The following TNRC6A variants were observed in gnomAD, a reference collection of about 807,000 sequenced individuals.
TNRC6A encodes the protein trinucleotide repeat-containing gene 6A protein.
A neutral mutation model predicts 221.2 loss-of-function variants in TNRC6A; 44 were observed. The observed-to-expected ratio is 0.20, with a 90% CI of 0.16 to 0.26. The LOEUF is 0.26. Ranked by LOEUF, TNRC6A falls within the 10% of genes least tolerant of loss-of-function variation. The pLI, the probability that TNRC6A is intolerant of heterozygous loss-of-function variation, is 1.00. For synonymous variants in TNRC6A, 847 were observed against 838.5 expected (o/e 1.01, Z -0.18); for missense variants, 2,199 against 2,404.4 (o/e 0.91, Z 1.79).
chr16:24,805,412 C>A, intron 14 of TNRC6A, 193 bp from the exon 15 acceptor site: 1 of 895,834 alleles, frequency 1.1e-6, no homozygotes, highest in Non-Finnish European at 1.7e-6. Context: ...TTAAGATGCA[C>A]CTCTGTCATC....
chr16:24,823,520 C>G lies in TNRC6A; in HGVS notation c.5602C>G (p.Pro1868Ala). ...RFFAQSQSLT[P>A]SPGWQSLGSS... ...CTTTGCACAAAGCCAGTCTCTGACC[C>G]CTTCTCCCGGCTGGCAGTCTCTCGG... The change falls in exon 25 of 25, where the codon CCT becomes GCT. Residue 1868 changes from proline to alanine, a missense_variant. By Grantham distance (27) the Pro-to-Ala change is conservative. This residue lies in a region of TNRC6A where 20 missense variants were observed against 25.6 expected (regional missense o/e 0.78). Transcript: ENST00000395799. This position sits in a 1 kb window ranked among gnomAD's most constrained non-coding sequence, Gnocchi z 4.3. 1.9e-6 allele frequency: 3 copies of G among 1,614,190 alleles called. No individual in the cohort carries two copies. The highest frequency in any genetic ancestry group is 2.5e-6 in the Non-Finnish European group (3 of 1,180,038).
At chr16:24,704,291 C>T (rs9938785) in intron 2 of TNRC6A, among the ~76,000 whole-genome samples, 76,102 of 151,370 alleles carry the variant, frequency 0.5, 20,693 homozygotes, top group East Asian at 0.86. Context: ...TGGTGGGGGG[C>T]GGGAGGGCAT....
Position 24,791,399 on chromosome 16 carries a change from C to G in TNRC6A, c.2757C>G (p.Ser919=). 6.4e-7 allele frequency: 1 copy of G among 1,567,048 alleles called. No homozygotes were observed. The highest frequency in any genetic ancestry group is 8.6e-7 in the Non-Finnish European group (1 of 1,157,886). The part of the protein sequence containing the change: ...GWDESSKPTP[S]QGWGDPPKSN... The stretch of plus-strand genomic sequence containing the variant: ...ATGAATCTTCTAAACCTACTCCTTC[C>G]CAGGGATGGGGAGACCCTCCAAAGT... Residue 919 remains serine (S), a synonymous_variant, in exon 6 of 25, where the codon TCC becomes TCG. Coordinates refer to ENST00000395799, the MANE Select transcript of TNRC6A (RefSeq NM_014494.4).
chr16:24,790,820 T>A lies in TNRC6A; in HGVS notation c.2178T>A (p.Thr726=), dbSNP rs749672873. 6.2e-6 allele frequency: 10 copies of A among 1,614,108 alleles called. No homozygotes were observed. Among genetic ancestry groups the A allele is most frequent in the Non-Finnish European group, 8.5e-6 (10 of 1,180,036 alleles). ...TGTCCAACTCTGGTTGGGGACAGACTCCTATTAAGCAGAATACTGCCTGGG... is the reference window on the plus strand; with the variant it reads ...TGTCCAACTCTGGTTGGGGACAGACACCTATTAAGCAGAATACTGCCTGGG... ...RVLSNSGWGQ[T]PIKQNTAWDT... is the part of the protein sequence containing the mutation. Residue 726 remains threonine, a synonymous_variant, in exon 6 of 25, where the codon ACT becomes ACA. Coordinates refer to ENST00000395799, the MANE Select transcript of TNRC6A (RefSeq NM_014494.4).
At chr16:24,803,269 AT>A (rs1227277820) in intron 11 of TNRC6A, among the ~76,000 whole-genome samples, 2 of 152,044 alleles carry the variant, frequency 1.3e-5, no homozygotes, top group South Asian at 4.2e-4. Flanking sequence ...AAATAAAAAA[AT>A]TAGCTGGGTG....
chr16:24,822,625 A>G lies in TNRC6A; in HGVS notation c.5374-249A>G, dbSNP rs1259510325. ...CCTCAGGGCAGGGAAGAGAGAAGAC[A>G]TGGAGCCACAGTGGGGATCTGGGGA... On this transcript the variant is annotated intron_variant, in intron 23 of 24. Transcript: ENST00000395799. Among the ~76,000 whole-genome samples the G allele has an allele frequency of 7.2e-5, 11 of 152,152 alleles. 1 individual carries two copies. Among genetic ancestry groups the G allele is most frequent in the Admixed American group, 6.5e-4 (10 of 15,282 alleles).
chr16:24,622,199 C>A (rs1900709873), intron 1 of TNRC6A, among the ~76,000 whole-genome samples: 1 of 152,040 alleles, frequency 6.6e-6, no homozygotes, highest in Non-Finnish European at 1.5e-5. Flanking sequence ...GTGGGAGGAT[C>A]TCTAGAGCCT....
chr16:24,674,815 C>A (rs1477544826), intron 2 of TNRC6A, among the ~76,000 whole-genome samples: 2 of 151,446 alleles, frequency 1.3e-5, no homozygotes, highest in Non-Finnish European at 1.5e-5. Context: ...GGAAAGACTG[C>A]CAAAGTAACC....
At chr16:24,694,080 C>T (rs1009946035) in intron 2 of TNRC6A, among the ~76,000 whole-genome samples, 2 of 152,164 alleles carry the variant, frequency 1.3e-5, no homozygotes, top group African/African-American at 2.4e-5. Flanking sequence ...AGAGCAGTGA[C>T]AGCCAAGGGG....
At chr16:24,801,042 G>C (rs1435694647) in intron 11 of TNRC6A, among the ~76,000 whole-genome samples, 2 of 152,190 alleles carry the variant, frequency 1.3e-5, no homozygotes, top group African/African-American at 4.8e-5. Flanking sequence ...TTTGAGTTAA[G>C]AAATACAGGA....
intron 2 of TNRC6A, among the ~76,000 whole-genome samples, chr16:24,731,038 T>A (rs1159458342): frequency 6.6e-6 from 1 of 151,842 alleles, no homozygotes; most frequent in Non-Finnish European, 1.5e-5. Context: ...CATTGAGCTG[T>A]AATTGCTTAA....
At chr16:24,800,208 A>G (rs909296115) in intron 11 of TNRC6A, among the ~76,000 whole-genome samples, 1 of 152,200 alleles carries the variant, frequency 6.6e-6, no homozygotes, top group Non-Finnish European at 1.5e-5. Flanking sequence ...CTCATTAGGT[A>G]TAATTGTGAG....
intron 2 of TNRC6A, among the ~76,000 whole-genome samples, chr16:24,684,922 C>T (rs1349480163): frequency 6.6e-6 from 1 of 152,232 alleles, no homozygotes; most frequent in African/African-American, 2.4e-5. Context: ...TCTAAACTCA[C>T]TCTGAGTCAG....
At position 24,815,114 on chromosome 16, in the gene TNRC6A, G is replaced by T. The variant is rs764290577; in HGVS notation, c.4673-33G>T. 4 of 1,597,564 alleles carry T rather than the reference G, an allele frequency of 2.5e-6. No individual in the cohort carries two copies. The South Asian group carries it at 3.3e-5, about 13-fold the overall frequency. On this transcript the variant is annotated intron_variant, in intron 18 of 24. Transcript: ENST00000395799. ...TAAGAAATAAATCTGTGTGTATTTT[G>T]CTCACATTTCTCTATTATTCTTCCC...
intron 10 of TNRC6A, 53 bp from the exon 11 acceptor site, chr16:24,797,862 T>C (rs562895318): frequency 6.7e-7 from 1 of 1,483,656 alleles, no homozygotes; most frequent in East Asian, 2.3e-5. Flanking sequence ...ATTTTTTATT[T>C]GTTTTCATTG....
In TNRC6A at chr16:24,616,681, A is replaced by C. The variant is rs565969516; in HGVS notation, n.276+6197A>C. ...TGCGGTGGTTCATGCCTGTAATCCC[A>C]GCACTTTGGGAGGCTGAGAGGCGGG... On this transcript the variant is annotated intron_variant and non_coding_transcript_variant, in intron 1 of 2. Coordinates refer to the TNRC6A transcript ENST00000566108. Among the ~76,000 whole-genome samples, 45 of 152,368 alleles carry C rather than the reference A, an allele frequency of 3.0e-4. No individual in the cohort carries two copies. In the South Asian group the frequency reaches 9.1e-3, roughly 31 times the overall value.
At chr16:24,808,999 A>G (rs1320283642) in intron 17 of TNRC6A, among the ~76,000 whole-genome samples, 1 of 152,178 alleles carries the variant, frequency 6.6e-6, no homozygotes, top group African/African-American at 2.4e-5. Flanking sequence ...TTGCTAGTAC[A>G]GGACATTTTT....
At chr16:24,794,795 C>T in intron 8 of TNRC6A, 76 bp downstream of exon 8, 1 of 1,453,846 alleles carries the variant, frequency 6.9e-7, no homozygotes, top group South Asian at 1.4e-5. Flanking sequence ...TAACTTTTCG[C>T]CTGCCCATTT....
At chr16:24,803,940 C>A in intron 11 of TNRC6A, 1 of 404,348 alleles carries the variant, frequency 2.5e-6, no homozygotes. Flanking sequence ...AGCCAGCCAC[C>A]TTCTGTTTAC....
Sources: gnomAD v4.1 joint callset for allele counts (sites outside exome capture counted in the v4.1 genomes callset) on GRCh38, gnomAD v4.1.1 for gene constraint, gnomAD v4.1.1 regional missense constraint, Gnocchi (gnomAD v3.1) non-coding constraint, MANE v1.5 for transcripts, NCBI Gene and HGNC (gene_info 2026-07-23, HGNC 2026-07-21) for gene names.